Variants in ZNF148 observed in about 807,000 individuals in gnomAD.
ZNF148 encodes the protein zinc finger protein 148, also known as Beta-Enolase Repressor Factor-1.
In ZNF148, 7 loss-of-function variants were observed where a neutral mutation model predicts 67.7. That is an observed-to-expected ratio of 0.10 (90% CI 0.06 to 0.19). The LOEUF is 0.19. Ranked by LOEUF, ZNF148 falls within the 10% of genes least tolerant of loss-of-function variation. ZNF148 has a pLI of 1.00. For synonymous variants in ZNF148, 333 were observed against 330.7 expected (o/e 1.01, Z -0.08); for missense variants, 583 against 947.1 (o/e 0.62, Z 5.05).
intron 4 of ZNF148, among the ~76,000 whole-genome samples, chr3:125,298,769 C>T (rs1018621828): frequency 4.6e-5 from 7 of 151,796 alleles, no homozygotes; most frequent in African/African-American, 1.7e-4. Context: ...GGACTACAGG[C>T]GCGTGCCACC....
At chr3:125,346,339 T>C (rs913834785) in intron 1 of ZNF148, among the ~76,000 whole-genome samples, 1 of 151,036 alleles carries the variant, frequency 6.6e-6, no homozygotes, top group East Asian at 1.9e-4. Context: ...AGGCCATCTA[T>C]GAAAAATCAA....
At chr3:125,343,396 C>A (rs1381146792) in intron 1 of ZNF148, among the ~76,000 whole-genome samples, 1 of 152,056 alleles carries the variant, frequency 6.6e-6, no homozygotes, top group African/African-American at 2.4e-5. Flanking sequence ...TTCTGTCTTA[C>A]AAGAGGATTG....
chr3:125,325,174 T>C (rs912571062), intron 2 of ZNF148, among the ~76,000 whole-genome samples: 3 of 152,168 alleles, frequency 2.0e-5, no homozygotes, highest in Non-Finnish European at 4.4e-5. Flanking sequence ...GCAGAAATTA[T>C]GTAAAAGAAC....
chr3:125,354,699 C>A (rs1942278726), intron 1 of ZNF148, among the ~76,000 whole-genome samples: 1 of 152,188 alleles, frequency 6.6e-6, no homozygotes, highest in African/African-American at 2.4e-5. Context: ...AGTTTGCATT[C>A]AAAATTTTGC....
intron 5 of ZNF148, among the ~76,000 whole-genome samples, chr3:125,283,975 T>C (rs867746227): frequency 2.8e-4 from 43 of 152,286 alleles, no homozygotes; most frequent in Middle Eastern, 3.4e-3. Context: ...AGTTCCTTTT[T>C]TCAGTACCTG....
chr3:125,299,942 C>T (rs1045853828), intron 4 of ZNF148, among the ~76,000 whole-genome samples: 13 of 152,260 alleles, frequency 8.5e-5, no homozygotes, highest in South Asian at 8.3e-4. Context: ...TCAAATAATA[C>T]GCTGACGTAA....
At chr3:125,239,663 C>T (rs922552674) in intron 7 of ZNF148, among the ~76,000 whole-genome samples, 1 of 152,114 alleles carries the variant, frequency 6.6e-6, no homozygotes, top group Non-Finnish European at 1.5e-5. Context: ...TAAGCACATA[C>T]CCAAGACAAC....
At chr3:125,329,449 C>A (rs1330557091) in intron 2 of ZNF148, among the ~76,000 whole-genome samples, 1 of 150,488 alleles carries the variant, frequency 6.6e-6, no homozygotes, top group Admixed American at 6.6e-5. Flanking sequence ...GCAACCTCCG[C>A]CTCCTGGGTT....
chr3:125,300,636 C>T (rs1312714323), intron 4 of ZNF148, among the ~76,000 whole-genome samples: 1 of 152,158 alleles, frequency 6.6e-6, no homozygotes, highest in Non-Finnish European at 1.5e-5. Flanking sequence ...TACATGAATG[C>T]TAAAGCATTT....
intron 7 of ZNF148, among the ~76,000 whole-genome samples, chr3:125,236,097 TA>T (rs34772918): frequency 2.7e-5 from 4 of 150,538 alleles, no homozygotes; most frequent in South Asian, 4.2e-4. Context: ...CTTAAAGTAT[TA>T]AAAAAAAAGA....
intron 1 of ZNF148, among the ~76,000 whole-genome samples, chr3:125,347,089 C>T (rs1272907126): frequency 1.3e-5 from 2 of 151,936 alleles, no homozygotes; most frequent in Non-Finnish European, 2.9e-5. Context: ...ATCATAAGCA[C>T]TTATAATAGC....
At chr3:125,296,719 G>T (rs1939301564) in intron 4 of ZNF148, among the ~76,000 whole-genome samples, 1 of 151,760 alleles carries the variant, frequency 6.6e-6, no homozygotes, top group Non-Finnish European at 1.5e-5. Flanking sequence ...GTAAGAAAAG[G>T]GTGCAAATGT....
chr3:125,372,773 C>G (rs1350599614), intron 1 of ZNF148, among the ~76,000 whole-genome samples: 1 of 151,962 alleles, frequency 6.6e-6, no homozygotes, highest in Non-Finnish European at 1.5e-5. Flanking sequence ...TCGAGACCAG[C>G]CTCACCAACA....
intron 8 of ZNF148, 61 bp downstream of exon 8, chr3:125,234,150 C>G: frequency 7.9e-7 from 1 of 1,273,840 alleles, no homozygotes; most frequent in Non-Finnish European, 1.1e-6. Flanking sequence ...ATTTTCTAAT[C>G]TAATTTATAA....
At chr3:125,354,164 ATTTAAAT>A (rs900067270) in intron 1 of ZNF148, among the ~76,000 whole-genome samples, 17 of 152,104 alleles carry the variant, frequency 1.1e-4, no homozygotes, top group African/African-American at 3.6e-4. Flanking sequence ...CTTACATAAA[ATTTAAAT>A]TTTAAATTTC....
rs141840802 is a variant in ZNF148 at position 125,282,576 on chromosome 3, T to C, written c.460-3329A>G. 9.2e-3 allele frequency among the ~76,000 whole-genome samples: 1,404 copies of C among 152,232 alleles called. 25 individuals are homozygous for C. Among genetic ancestry groups the C allele is most frequent in the African/African-American group, 0.03 (1,233 of 41,554 alleles). On this transcript the variant is annotated intron_variant, in intron 5 of 8. Coordinates refer to ENST00000360647, the MANE Select transcript of ZNF148 (RefSeq NM_021964.3). ...TCAACACACTACATTTTTTTTCTTA[T>C]CTGTTTAGTAAATTTAAAACAAGAC... is the stretch of plus-strand genomic sequence containing the variant.
chr3:125,344,719 C>T (rs1455254724), intron 1 of ZNF148: 2 of 586,982 alleles, frequency 3.4e-6, no homozygotes, highest in East Asian at 3.2e-5. Flanking sequence ...CACTTCAGTG[C>T]CAGTTTCCAT....
intron 7 of ZNF148, among the ~76,000 whole-genome samples, chr3:125,268,717 T>C (rs776564936): frequency 3.9e-5 from 6 of 152,138 alleles, no homozygotes; most frequent in Non-Finnish European, 8.8e-5. Flanking sequence ...TAGTGGTTCA[T>C]ACCTGCAATC....
chr3:125,347,489 T>C (rs770291119), intron 1 of ZNF148, among the ~76,000 whole-genome samples: 27 of 152,088 alleles, frequency 1.8e-4, no homozygotes, highest in Admixed American at 4.6e-4. Context: ...GATAAACATA[T>C]AGATCAAGGA....
Sources: gnomAD v4.1 joint callset for allele counts (sites outside exome capture counted in the v4.1 genomes callset) on GRCh38, gnomAD v4.1.1 for gene constraint, MANE v1.5 for transcripts, NCBI Gene and HGNC (gene_info 2026-07-23, HGNC 2026-07-21) for gene names.